The following MSH4 variants were observed in gnomAD, a reference collection of about 807,000 sequenced individuals.
The protein encoded by MSH4 is mutS protein homolog 4.
Under a neutral mutation model 113.7 loss-of-function variants are expected in MSH4, and 106 were observed. The observed-to-expected ratio is 0.93, with a 90% confidence interval of 0.80 to 1.10. The LOEUF (loss-of-function observed/expected upper bound fraction) is 1.10. MSH4 is among the 50% of genes least tolerant of loss of function. The probability of loss-of-function intolerance (pLI) is 0.00; values close to 1 mark genes in which losing one functional copy is unlikely to be tolerated. For missense variants in MSH4, 1,061 were observed against 1,093.7 expected (o/e 0.97, Z 0.42); for synonymous variants, 368 against 380.2 (o/e 0.97, Z 0.37).
chr1:75,812,823 T>C (rs899857661), intron 4 of MSH4, among the ~76,000 whole-genome samples: 2 of 152,160 alleles, frequency 1.3e-5, no homozygotes, highest in Admixed American at 1.3e-4. Flanking sequence ...AGTAAATTTT[T>C]TTTGGCAGCC....
chr1:75,908,244 C>T (rs992235080), intron 19 of MSH4, among the ~76,000 whole-genome samples: 6 of 147,788 alleles, frequency 4.1e-5, no homozygotes, highest in African/African-American at 7.5e-5. Flanking sequence ...CTCCTGGGTT[C>T]AAGAAATTCT....
rs139511649 is a variant in MSH4, at chr1:75,882,906, G to A, written c.1907-715G>A. ...GAAATAATATTAAAGTAGGGAAGTA[G>A]TGTTTAAGGTAGAGTAAGTAAATAT... On this transcript the variant is annotated intron_variant, in intron 14 of 19. Coordinates refer to ENST00000263187, the MANE Select transcript of MSH4 (RefSeq NM_002440.4). Among the ~76,000 whole-genome samples, 41 of 152,246 alleles carry A rather than the reference G, an allele frequency of 2.7e-4. 1 individual carries two copies. Among genetic ancestry groups the A allele is most frequent in the African/African-American group, 9.4e-4 (39 of 41,550 alleles).
chr1:75,868,678 T>C (rs900981269), intron 9 of MSH4, among the ~76,000 whole-genome samples: 1 of 152,112 alleles, frequency 6.6e-6, no homozygotes, highest in African/African-American at 2.4e-5. Flanking sequence ...ATGGGGGTGG[T>C]TTCTCCCATA....
intron 11 of MSH4, 135 bp downstream of exon 11, chr1:75,878,453 T>G: frequency 1.5e-6 from 1 of 681,504 alleles, no homozygotes; most frequent in Non-Finnish European, 2.4e-6. Flanking sequence ...AAGGTTAGCA[T>G]GTAGTGCCAT....
intron 19 of MSH4, among the ~76,000 whole-genome samples, chr1:75,910,569 A>G (rs1051804702): frequency 6.6e-6 from 1 of 151,888 alleles, no homozygotes; most frequent in Non-Finnish European, 1.5e-5. Context: ...CACCGCACCC[A>G]GCCATCATCA....
At chr1:75,848,374 G>A in intron 8 of MSH4, 98 bp downstream of exon 8, 1 of 941,024 alleles carries the variant, frequency 1.1e-6, no homozygotes, top group Non-Finnish European at 1.6e-6. Context: ...AAAATGTTTT[G>A]GGAAAGTCCT....
chr1:75,812,305 A>G (rs973718271), intron 4 of MSH4, among the ~76,000 whole-genome samples: 6 of 152,156 alleles, frequency 3.9e-5, no homozygotes, highest in African/African-American at 1.4e-4. Flanking sequence ...ACTGAATTGA[A>G]CTTCGGTTTA....
intron 7 of MSH4, among the ~76,000 whole-genome samples, chr1:75,841,233 C>G (rs142269178): frequency 7.0e-6 from 1 of 143,208 alleles, no homozygotes; most frequent in African/African-American, 2.5e-5. Context: ...CAGGGTCTCA[C>G]TCTGTCACCC....
At chr1:75,824,197 G>C (rs1650493848) in intron 7 of MSH4, among the ~76,000 whole-genome samples, 1 of 152,016 alleles carries the variant, frequency 6.6e-6, no homozygotes, top group Admixed American at 6.6e-5. Context: ...ATCTCATTGT[G>C]GTTTTGATTT....
rs1652816813 is a variant in MSH4 at position 75,912,733 on chromosome 1, G to A, written c.2657G>A (p.Arg886Lys). ...QRSTPEMERQ[R>K]AVYHLATRLV... The stretch of plus-strand genomic sequence containing the variant: ...AGTACCCCTGAGATGGAAAGACAGA[G>A]AGCTGTGTACCATCTAGCCACTAGG... Residue 886 changes from arginine to lysine, a missense_variant, in exon 20 of 20, where the codon AGA (arginine) becomes AAA (lysine). Physicochemically the swap from Arg to Lys is conservative, Grantham distance 26 (BLOSUM62 2). Coordinates refer to ENST00000263187, the MANE Select transcript of MSH4 (RefSeq NM_002440.4). 5.1e-6 allele frequency: 8 copies of A among 1,564,574 alleles called. No individual in the cohort carries two copies. Among genetic ancestry groups the A allele is most frequent in the Non-Finnish European group, 6.0e-6 (7 of 1,159,982 alleles).
At chr1:75,818,187 T>C (rs1195867501) in intron 6 of MSH4, among the ~76,000 whole-genome samples, 1 of 152,218 alleles carries the variant, frequency 6.6e-6, no homozygotes, top group Non-Finnish European at 1.5e-5. Flanking sequence ...AATCCAGAAA[T>C]CAGATCTTGT....
At chr1:75,838,741 C>T (rs556371858) in intron 7 of MSH4, among the ~76,000 whole-genome samples, 12 of 152,190 alleles carry the variant, frequency 7.9e-5, no homozygotes, top group African/African-American at 2.6e-4. Context: ...GGCTTTGGAA[C>T]GCTGTAATTT....
intron 7 of MSH4, among the ~76,000 whole-genome samples, chr1:75,832,437 A>C (rs948862945): frequency 6.6e-6 from 1 of 152,192 alleles, no homozygotes; most frequent in African/African-American, 2.4e-5. Flanking sequence ...TCATTTTATG[A>C]GGCTGGCAAC....
intron 7 of MSH4, among the ~76,000 whole-genome samples, chr1:75,829,434 C>G (rs1650633291): frequency 6.6e-6 from 1 of 152,188 alleles, no homozygotes; most frequent in Non-Finnish European, 1.5e-5. Flanking sequence ...TTTGAAGAGA[C>G]TGGTGGTTCT....
chr1:75,822,415 T>A lies in MSH4; in HGVS notation c.996T>A (p.Asn332Lys). Reference sequence around the variant, plus strand: ...ATTTCTTGTGTTTTGAAAGGAATAATCACACTCTCTTTGGTGTTCTAAATT... The same window carrying A: ...ATTTCTTGTGTTTTGAAAGGAATAAACACACTCTCTTTGGTGTTCTAAATT... ...LLINNQDYRN[N>K]HTLFGVLNYT... Residue 332 changes from asparagine to lysine, a missense_variant, in exon 7 of 20, where the codon AAT becomes AAA. Transcript: ENST00000263187. 1 of 1,548,384 alleles carries A rather than the reference T, an allele frequency of 6.5e-7. No homozygotes were observed. The highest frequency in any genetic ancestry group is 8.7e-7 in the Non-Finnish European group (1 of 1,155,920).
intron 4 of MSH4, among the ~76,000 whole-genome samples, chr1:75,814,688 T>C (rs536769225): frequency 4.5e-4 from 69 of 152,148 alleles, no homozygotes; most frequent in African/African-American, 1.6e-3. Flanking sequence ...GTACAATCTA[T>C]ACAAAAGATT....
chr1:75,816,612 C>T, intron 6 of MSH4, 66 bp downstream of exon 6: 1 of 960,202 alleles, frequency 1.0e-6, no homozygotes, highest in Non-Finnish European at 1.4e-6. Flanking sequence ...TTAATGGTAA[C>T]TTTAAAGTTC....
At chr1:75,859,179 G>A (rs1651395097) in intron 8 of MSH4, among the ~76,000 whole-genome samples, 1 of 151,880 alleles carries the variant, frequency 6.6e-6, no homozygotes, top group African/African-American at 2.4e-5. Flanking sequence ...TCTTGCTATT[G>A]GGCTATCTCT....
Position 75,912,896 on chromosome 1 carries a change from C to G in MSH4, c.*9C>G. On this transcript the variant is annotated 3_prime_UTR_variant, in exon 20 of 20. Coordinates refer to ENST00000263187, the MANE Select transcript of MSH4 (RefSeq NM_002440.4). ...AAAAGACTGAAGAATAATCACAATT[C>G]TAATGTAATAATATATCTTAATTCA... The G allele has an allele frequency of 6.1e-6, 9 of 1,465,050 alleles. No homozygotes were observed. Among genetic ancestry groups the G allele is most frequent in the Non-Finnish European group, 8.2e-6 (9 of 1,100,800 alleles). 90.8% of individuals were successfully genotyped at this position (1,465,050 alleles called of 1,614,324 possible).
Sources: allele counts gnomAD v4.1 joint callset (sites outside exome capture counted in the v4.1 genomes callset), GRCh38; gene constraint gnomAD v4.1.1; transcripts MANE v1.5; gene names NCBI Gene and HGNC (gene_info 2026-07-23, HGNC 2026-07-21).